The following MED17 variants were observed in gnomAD, a reference collection of about 807,000 sequenced individuals.
The protein encoded by MED17 is mediator of RNA polymerase II transcription subunit 17.
MED17 carries 49 observed loss-of-function variants against 80.8 expected under a neutral mutation model. The observed-to-expected ratio is 0.61, with a 90% CI of 0.48 to 0.77. The LOEUF is 0.77. Among genes scored for constraint, MED17 ranks in the 30% least tolerant of loss-of-function variants. MED17 has a pLI of 0.00. For synonymous variants in MED17, 281 were observed against 280.4 expected, an observed-to-expected ratio of 1.00 and a Z score of -0.02; for missense variants, 718 against 787.0, an observed-to-expected ratio of 0.91 and a Z score of 1.05.
At chr11:93,791,507 C>T (rs1943836041) in intron 3 of MED17, among the ~76,000 whole-genome samples, 1 of 152,038 alleles carries the variant, frequency 6.6e-6, no homozygotes, top group Non-Finnish European at 1.5e-5. Flanking sequence ...GAATTCGATA[C>T]CAGCCTGGGC....
chr11:93,797,359 A>G (rs985404690), intron 7 of MED17, 176 bp from the exon 8 acceptor site: 2 of 629,418 alleles, frequency 3.2e-6, no homozygotes, highest in African/African-American at 3.7e-5. Flanking sequence ...CCTTCTCTTT[A>G]CAGTCTTGCA....
chr11:93,785,343 A>G (rs575550301), intron 1 of MED17, among the ~76,000 whole-genome samples: 13 of 152,204 alleles, frequency 8.5e-5, no homozygotes, highest in Non-Finnish European at 1.6e-4. Flanking sequence ...GCTTTCTAAT[A>G]AATGAATTAT....
intron 9 of MED17, among the ~76,000 whole-genome samples, 158 bp downstream of exon 9, chr11:93,802,130 AG>A (rs1943969797): frequency 6.6e-6 from 1 of 151,448 alleles, no homozygotes; most frequent in Non-Finnish European, 1.5e-5. Context: ...TAATAGGTGG[AG>A]TCTCACTCTT....
At chr11:93,809,633 C>A in intron 10 of MED17, 84 bp from the exon 11 acceptor site, 2 of 1,474,932 alleles carry the variant, frequency 1.4e-6, no homozygotes, top group Non-Finnish European at 1.9e-6. Flanking sequence ...AGCACCCCAA[C>A]AAAAGTTTAC....
At chr11:93,808,485 C>T (rs1944051432) in intron 10 of MED17, 2 of 150,714 alleles carry the variant, frequency 1.3e-5, no homozygotes, top group Admixed American at 6.6e-5. Context: ...ACTGTATTTT[C>T]CCTAATTTCT....
At chr11:93,811,525 C>CT (rs1230956301) in intron 11 of MED17, 1 of 305,410 alleles carries the variant, frequency 3.3e-6, no homozygotes, top group African/African-American at 2.2e-5. Flanking sequence ...CCAAAAAAAG[C>CT]TTTGTGTTTT....
intron 9 of MED17, among the ~76,000 whole-genome samples, chr11:93,804,685 A>G (rs1288388681): frequency 6.6e-6 from 1 of 152,228 alleles, no homozygotes; most frequent in Non-Finnish European, 1.5e-5. Context: ...AACATAATAC[A>G]CATAACAAAA....
Position 93,809,735 on chromosome 11 carries a change from C to T in MED17, c.1603C>T (p.His535Tyr). The change falls in exon 11 of 12, where the codon CAT becomes TAT. Residue 535 changes from histidine to tyrosine, a missense_variant. By Grantham distance (83) the His-to-Tyr change is moderately conservative. Transcript: ENST00000251871. The stretch of plus-strand genomic sequence containing the variant: ...TTCACAGATGTCACAGCACCAGGTA[C>T]ATGCAGTTCAGCAACTCGCCAAGGT... ...LLSQMSQHQVHAVQQLAKVMG... is the reference protein window; with the variant it reads ...LLSQMSQHQVYAVQQLAKVMG... The T allele has an allele frequency of 6.2e-7, 1 of 1,614,206 alleles. No individual in the cohort carries two copies. The highest frequency in any genetic ancestry group is 8.5e-7 in the Non-Finnish European group (1 of 1,180,036).
chr11:93,786,473 G>GTTT (rs11407248), intron 1 of MED17, among the ~76,000 whole-genome samples: 1 of 146,906 alleles, frequency 6.8e-6, no homozygotes, highest in African/African-American at 2.5e-5. Flanking sequence ...GGTTTGTTTT[G>GTTT]TTTTTTTTTT....
intron 3 of MED17, among the ~76,000 whole-genome samples, chr11:93,791,895 T>C (rs7112990): frequency 0.051 from 7,711 of 152,212 alleles, 634 homozygotes; most frequent in African/African-American, 0.17. Flanking sequence ...AAGGTTTGCT[T>C]TCCTTTTTCC....
intron 5 of MED17, chr11:93,794,393 G>C: frequency 3.7e-6 from 1 of 273,806 alleles, no homozygotes. Flanking sequence ...TAGTAGAGAT[G>C]GGGTTTCTCC....
chr11:93,807,638 A>C lies in MED17; in HGVS notation c.1584+3A>C. 1 of 1,548,830 alleles carries C rather than the reference A, an allele frequency of 6.5e-7. No homozygotes were observed. Among genetic ancestry groups the C allele is most frequent in the South Asian group, 1.1e-5 (1 of 89,788 alleles). On this transcript the variant is annotated splice_donor_region_variant and intron_variant, in intron 10 of 11. Transcript: ENST00000251871. ...TACAGGATTTTCTTCTGTCTCAGGTAACAGTTGCAGATTTTGTCTTAAGCC... is the reference window on the plus strand; with the variant it reads ...TACAGGATTTTCTTCTGTCTCAGGTCACAGTTGCAGATTTTGTCTTAAGCC...
At chr11:93,785,806 G>C (rs1943763116) in intron 1 of MED17, among the ~76,000 whole-genome samples, 1 of 152,148 alleles carries the variant, frequency 6.6e-6, no homozygotes, top group African/African-American at 2.4e-5. Context: ...CAGACTTCAA[G>C]ACCAGCCTGA....
chr11:93,795,051 C>A lies in MED17; in HGVS notation c.1003C>A (p.Pro335Thr), dbSNP rs1943885531. ...GGTGAAAAACCAGATTATCTCTCAG[C>A]CCTTTCCGAGTAAGAGCAGCCCTTT... Reference protein sequence around the residue: ...IVVKNQIISQPFPSLQLSISL... With the variant: ...IVVKNQIISQTFPSLQLSISL... The change falls in exon 6 of 12, where the codon CCC (proline) becomes ACC (threonine). Residue 335 changes from proline (P) to threonine (T), a missense_variant. By Grantham distance (38) the Pro-to-Thr change is conservative (BLOSUM62 -1). Transcript: ENST00000251871. 6.2e-7 allele frequency: 1 copy of A among 1,613,986 alleles called. No homozygotes were observed. Among genetic ancestry groups the A allele is most frequent in the African/African-American group, 1.3e-5 (1 of 74,900 alleles).
intron 2 of MED17, chr11:93,789,006 AT>A (rs1367580622): frequency 6.6e-6 from 1 of 152,146 alleles, no homozygotes; most frequent in African/African-American, 2.4e-5. Flanking sequence ...TAAACAGTGT[AT>A]TCAATTTTTG....
intron 10 of MED17, 44 bp downstream of exon 10, chr11:93,807,679 CTACT>C (rs1343123174): frequency 9.1e-7 from 1 of 1,095,056 alleles, no homozygotes; most frequent in Non-Finnish European, 1.4e-6. Flanking sequence ...CTTCGCATAG[CTACT>C]TAAAGAACAA....
chr11:93,799,481 G>T (rs1943939349), intron 8 of MED17, among the ~76,000 whole-genome samples: 1 of 152,100 alleles, frequency 6.6e-6, no homozygotes, highest in Non-Finnish European at 1.5e-5. Flanking sequence ...TGGCCAGGAA[G>T]CCTTTTTAAA....
chr11:93,794,183 A>T, intron 5 of MED17, 148 bp downstream of exon 5: 1 of 584,858 alleles, frequency 1.7e-6, no homozygotes, highest in Non-Finnish European at 3.0e-6. Context: ...ATAAACTATT[A>T]GTGAATAGCT....
chr11:93,813,362 C>T lies in MED17; in HGVS notation c.*1298C>T, dbSNP rs1348216290. The stretch of plus-strand genomic sequence containing the variant: ...AACAACTTTGTGCTTTTTTCCCCTT[C>T]TGATCAAGATCTTGCATCTTTCTAT... On this transcript the variant is annotated 3_prime_UTR_variant, in exon 12 of 12. Transcript: ENST00000251871. 6.6e-6 allele frequency: 1 copy of T among 152,184 alleles called. No individual in the cohort carries two copies. Among genetic ancestry groups the T allele is most frequent in the African/African-American group, 2.4e-5 (1 of 41,444 alleles). 9.4% of individuals were successfully genotyped at this position (152,184 alleles called of 1,614,324 possible).
Sources: gnomAD v4.1 joint callset for allele counts (sites outside exome capture counted in the v4.1 genomes callset) on GRCh38, gnomAD v4.1.1 for gene constraint, MANE v1.5 for transcripts, NCBI Gene and HGNC (gene_info 2026-07-23, HGNC 2026-07-21) for gene names.